Variants in MACROD2 observed in about 807,000 individuals in gnomAD.
MACROD2 encodes ADP-ribose glycohydrolase MACROD2.
In MACROD2, 36 loss-of-function variants were observed where a neutral mutation model predicts 70.4. The ratio of observed to expected loss-of-function variants is 0.51; its 90% CI spans 0.39 to 0.68. MACROD2 has a LOEUF of 0.68. Among genes scored for constraint, MACROD2 ranks in the 30% least tolerant of loss-of-function variants. The pLI is 0.00. For synonymous variants in MACROD2, 172 were observed against 178.8 expected (o/e 0.96, Z 0.30); for missense variants, 496 against 538.4 (o/e 0.92, Z 0.78).
chr20:16,041,304 A>T (rs979494384), intron 16 of MACROD2, 26 bp downstream of exon 16: 6 of 1,574,748 alleles, frequency 3.8e-6, no homozygotes, highest in Non-Finnish European at 5.2e-6. Flanking sequence ...ATTGGAGCCC[A>T]TGGAAACTAC....
At chr20:14,324,164 C>T (rs2082698335) in intron 3 of MACROD2, 1 of 152,376 alleles carries the variant, frequency 6.6e-6, no homozygotes, top group Non-Finnish European at 1.5e-5. Flanking sequence ...GCAATAAGAC[C>T]ATAATTTTTC....
chr20:15,529,097 G>C (rs1041066451), intron 8 of MACROD2, among the ~76,000 whole-genome samples: 3 of 152,106 alleles, frequency 2.0e-5, no homozygotes, highest in African/African-American at 7.2e-5. Flanking sequence ...ACTGCTCCAC[G>C]TGATTGATCA....
At chr20:15,430,428 G>C (rs1320839403) in intron 6 of MACROD2, among the ~76,000 whole-genome samples, 1 of 151,958 alleles carries the variant, frequency 6.6e-6, no homozygotes, top group Non-Finnish European at 1.5e-5. Context: ...ACACATTTCT[G>C]TATGGTGGGC....
At chr20:15,741,686 G>A (rs1278803981) in intron 8 of MACROD2, among the ~76,000 whole-genome samples, 1 of 152,006 alleles carries the variant, frequency 6.6e-6, no homozygotes, top group Admixed American at 6.6e-5. Flanking sequence ...TAATCCCTTA[G>A]TCTGCTTTAC....
intron 5 of MACROD2, among the ~76,000 whole-genome samples, chr20:15,046,591 A>C (rs976881561): frequency 2.6e-5 from 4 of 152,150 alleles, no homozygotes; most frequent in African/African-American, 4.8e-5. Flanking sequence ...GTTAGTGTTT[A>C]TTGTTTTAAC....
chr20:15,187,154 T>C (rs1159388803), intron 5 of MACROD2, among the ~76,000 whole-genome samples: 1 of 152,186 alleles, frequency 6.6e-6, no homozygotes, highest in East Asian at 1.9e-4. Context: ...GGAGGCTGCT[T>C]TGGAGTCCAG....
At chr20:15,854,455 G>C (rs2064335266) in intron 8 of MACROD2, among the ~76,000 whole-genome samples, 1 of 152,156 alleles carries the variant, frequency 6.6e-6, no homozygotes. Context: ...AATGGGCTTG[G>C]AAGAGGATTC....
chr20:15,330,873 C>T lies in MACROD2; in HGVS notation c.541-100532C>T, dbSNP rs112102290. 7.4e-3 allele frequency among the ~76,000 whole-genome samples: 1,120 copies of T among 151,754 alleles called. 50 individuals carry two copies. Among genetic ancestry groups the T allele is most frequent in the African/African-American group, 0.026 (1,059 of 41,100 alleles). On this transcript the variant is annotated intron_variant, in intron 6 of 17. Transcript: ENST00000684519. ...AATTCTGTTCTCAGCAAGCTTCTTA[C>T]TGCCCTGAAGTAATTTCTCAGATGG... is the stretch of plus-strand genomic sequence containing the variant.
At chr20:15,570,374 C>G (rs986907861) in intron 8 of MACROD2, among the ~76,000 whole-genome samples, 1 of 152,138 alleles carries the variant, frequency 6.6e-6, no homozygotes, top group Non-Finnish European at 1.5e-5. Context: ...GCAAAGTTCT[C>G]TAATATGTAC....
intron 3 of MACROD2, among the ~76,000 whole-genome samples, chr20:14,129,906 T>A (rs2054696471): frequency 1.3e-5 from 2 of 152,238 alleles, no homozygotes; most frequent in African/African-American, 4.8e-5. Flanking sequence ...GACTACAGTT[T>A]AATATAAACA....
At chr20:14,251,560 G>A (rs2082012332) in intron 3 of MACROD2, among the ~76,000 whole-genome samples, 2 of 152,076 alleles carry the variant, frequency 1.3e-5, no homozygotes, top group African/African-American at 4.8e-5. Flanking sequence ...GAAGAGCAAA[G>A]GTGAAACAGC....
intron 8 of MACROD2, among the ~76,000 whole-genome samples, chr20:15,505,545 G>A (rs965955662): frequency 2.6e-5 from 4 of 152,056 alleles, no homozygotes; most frequent in Non-Finnish European, 4.4e-5. Context: ...CTGAGGCCCG[G>A]CCCCAGCATC....
intron 8 of MACROD2, among the ~76,000 whole-genome samples, chr20:15,768,180 T>C (rs559836810): frequency 6.6e-6 from 1 of 151,948 alleles, no homozygotes; most frequent in Non-Finnish European, 1.5e-5. Context: ...CGCTTAACAA[T>C]GGGGAAATGT....
intron 6 of MACROD2, among the ~76,000 whole-genome samples, chr20:15,385,178 C>A (rs1057043978): frequency 6.6e-6 from 1 of 152,132 alleles, no homozygotes; most frequent in Non-Finnish European, 1.5e-5. Context: ...GGTATCTACA[C>A]ATGGCAGATT....
chr20:14,350,271 G>A (rs1398989894), intron 3 of MACROD2, among the ~76,000 whole-genome samples: 1 of 152,020 alleles, frequency 6.6e-6, no homozygotes, highest in East Asian at 1.9e-4. Context: ...GGTCATATGA[G>A]AGCTCTATTT....
chr20:15,885,860 G>C (rs377513312), intron 10 of MACROD2, 49 bp downstream of exon 10: 2 of 1,466,264 alleles, frequency 1.4e-6, no homozygotes, highest in African/African-American at 2.9e-5. Flanking sequence ...GGGTCATTTT[G>C]TTGTTTATGT....
intron 5 of MACROD2, among the ~76,000 whole-genome samples, chr20:14,832,543 A>G (rs1320730190): frequency 1.3e-5 from 2 of 152,050 alleles, no homozygotes; most frequent in Non-Finnish European, 2.9e-5. Flanking sequence ...TTTGTTTTCA[A>G]GGCTTTCTGG....
At chr20:14,265,257 G>GA (rs1355736561) in intron 3 of MACROD2, among the ~76,000 whole-genome samples, 1 of 152,152 alleles carries the variant, frequency 6.6e-6, no homozygotes, top group Non-Finnish European at 1.5e-5. Context: ...CATTAGCATA[G>GA]AAAAGAGTCC....
rs115780193 is a variant in MACROD2, at chr20:14,513,285, A to G, written c.301+19777A>G. ...ATGAAACCATAAATTCTCTGAGCAA[A>G]TGCCTGTTTTGACAGAGAGCTTTAA... is the stretch of plus-strand genomic sequence containing the variant. On this transcript the variant is annotated intron_variant, in intron 4 of 17. Coordinates refer to ENST00000684519, the MANE Select transcript of MACROD2 (RefSeq NM_001351661.2). Among the ~76,000 whole-genome samples, 1,055 of 152,234 alleles carry G rather than the reference A, an allele frequency of 6.9e-3. 8 individuals are homozygous for G. Among genetic ancestry groups the G allele is most frequent in the African/African-American group, 0.017 (695 of 41,566 alleles).
Sources: allele counts gnomAD v4.1 joint callset (sites outside exome capture counted in the v4.1 genomes callset), GRCh38; gene constraint gnomAD v4.1.1; transcripts MANE v1.5; gene names NCBI Gene and HGNC (gene_info 2026-07-23, HGNC 2026-07-21).